PAK5: variants seen among roughly 807,000 people sequenced by gnomAD.
PAK5 encodes the protein serine/threonine-protein kinase PAK 5.
In PAK5, 16 loss-of-function variants were observed where a neutral mutation model predicts 65.9. The ratio of observed to expected loss-of-function variants is 0.24; its 90% CI spans 0.16 to 0.37. The LOEUF is 0.37. Among genes scored for constraint, PAK5 ranks in the 10% least tolerant of loss-of-function variants. The pLI is 1.00. For synonymous variants in PAK5, 371 were observed against 354.9 expected, an observed-to-expected ratio of 1.05 and a Z score of -0.51; for missense variants, 785 against 903.9, an observed-to-expected ratio of 0.87 and a Z score of 1.69.
chr20:9,629,793 T>G (rs2046898392), intron 3 of PAK5, among the ~76,000 whole-genome samples: 1 of 152,082 alleles, frequency 6.6e-6, no homozygotes, highest in African/African-American at 2.4e-5. Flanking sequence ...TCCATAACAA[T>G]GTGGAAGGGG....
At chr20:9,547,788 T>C (rs1457199210) in intron 7 of PAK5, among the ~76,000 whole-genome samples, 1 of 152,120 alleles carries the variant, frequency 6.6e-6, no homozygotes, top group Non-Finnish European at 1.5e-5. Flanking sequence ...ACCTGGGAGC[T>C]TGTTAGATTT....
intron 3 of PAK5, among the ~76,000 whole-genome samples, chr20:9,595,134 G>C (rs1342637006): frequency 2.0e-5 from 3 of 151,168 alleles, no homozygotes; most frequent in Non-Finnish European, 1.5e-5. Context: ...TAGAGAGAGA[G>C]AGAGATAGTA....
chr20:9,756,900 G>A (rs190703885), intron 1 of PAK5, among the ~76,000 whole-genome samples: 61 of 152,254 alleles, frequency 4.0e-4, no homozygotes, highest in African/African-American at 1.2e-3. Flanking sequence ...GGGAAAGTCC[G>A]TAGTGTCAAA....
intron 2 of PAK5, among the ~76,000 whole-genome samples, chr20:9,668,775 T>G (rs2047453483): frequency 6.6e-6 from 1 of 152,208 alleles, no homozygotes; most frequent in Admixed American, 6.5e-5. Context: ...TGATAAATTT[T>G]ATTAAGATGC....
chr20:9,611,074 T>C (rs1199239515), intron 3 of PAK5, among the ~76,000 whole-genome samples: 2 of 152,214 alleles, frequency 1.3e-5, no homozygotes, highest in African/African-American at 4.8e-5. Context: ...AAATTTTTAT[T>C]GTTGGTAAAT....
chr20:9,568,989 G>C (rs932908941), intron 4 of PAK5, among the ~76,000 whole-genome samples: 2 of 152,214 alleles, frequency 1.3e-5, no homozygotes, highest in African/African-American at 4.8e-5. Context: ...TGATCCTTCA[G>C]ATGACTGTGT....
chr20:9,795,309 T>C (rs2049093058), intron 1 of PAK5, among the ~76,000 whole-genome samples: 1 of 152,174 alleles, frequency 6.6e-6, no homozygotes, highest in Non-Finnish European at 1.5e-5. Flanking sequence ...TATTTTTCCA[T>C]TAAATTGAAA....
At chr20:9,745,041 T>G (rs1014990758) in intron 1 of PAK5, among the ~76,000 whole-genome samples, 1 of 152,110 alleles carries the variant, frequency 6.6e-6, no homozygotes, top group Admixed American at 6.6e-5. Context: ...AGTCCCATTT[T>G]CAGAGTATGT....
At chr20:9,553,753 T>G (rs962383249) in intron 7 of PAK5, among the ~76,000 whole-genome samples, 2 of 152,204 alleles carry the variant, frequency 1.3e-5, no homozygotes, top group Non-Finnish European at 2.9e-5. Flanking sequence ...CATTCGCCCT[T>G]TGAAGGACAT....
intron 1 of PAK5, among the ~76,000 whole-genome samples, chr20:9,730,306 T>C (rs1224166041): frequency 6.6e-6 from 1 of 152,124 alleles, no homozygotes; most frequent in Non-Finnish European, 1.5e-5. Flanking sequence ...TGTTTTTATA[T>C]TTACTATTTT....
intron 2 of PAK5, among the ~76,000 whole-genome samples, chr20:9,661,369 C>T (rs765906615): frequency 6.6e-6 from 1 of 152,098 alleles, no homozygotes. Context: ...AGCTGAAGTT[C>T]CTTTATCTGC....
At chr20:9,778,541 A>G (rs2048909498) in intron 1 of PAK5, among the ~76,000 whole-genome samples, 1 of 152,194 alleles carries the variant, frequency 6.6e-6, no homozygotes, top group African/African-American at 2.4e-5. Flanking sequence ...ACAGGCCAAT[A>G]CTTTGGGAGA....
rs1472748783 is a variant in PAK5 at position 9,566,456 on chromosome 20, C to T, written c.991-72G>A. ...ATGCCACAGCCGAGTGGTGAGTGAG[C>T]TGACTGACAGCTGGCAGAATGAGGA... On this transcript the variant is annotated intron_variant, in intron 4 of 9. Coordinates refer to ENST00000353224, the MANE Select transcript of PAK5 (RefSeq NM_177990.4). 36 of 1,419,614 alleles carry T rather than the reference C, an allele frequency of 2.5e-5. No individual in the cohort carries two copies. In the East Asian group the frequency reaches 8.0e-4, roughly 32 times the overall value. The allele number at this position is 1,419,614 out of a possible 1,614,324, so 87.9% of individuals were successfully genotyped here.
At chr20:9,772,163 A>T (rs2048840617) in intron 1 of PAK5, among the ~76,000 whole-genome samples, 1 of 152,226 alleles carries the variant, frequency 6.6e-6, no homozygotes, top group African/African-American at 2.4e-5. Flanking sequence ...CTAAGGTTAA[A>T]TTTAACCTCT....
chr20:9,667,814 C>A (rs998888873), intron 2 of PAK5, among the ~76,000 whole-genome samples: 1 of 152,118 alleles, frequency 6.6e-6, no homozygotes, highest in Non-Finnish European at 1.5e-5. Context: ...TGTGTTTATT[C>A]CAAATGGTTC....
chr20:9,590,677 G>A (rs1249462425), intron 3 of PAK5, among the ~76,000 whole-genome samples: 2 of 152,068 alleles, frequency 1.3e-5, no homozygotes, highest in Non-Finnish European at 2.9e-5. Context: ...TTCTTAGAGG[G>A]AGGGAGTCAT....
intron 3 of PAK5, among the ~76,000 whole-genome samples, chr20:9,627,670 A>G (rs1382424780): frequency 6.6e-6 from 1 of 151,796 alleles, no homozygotes; most frequent in African/African-American, 2.4e-5. Context: ...TCTGTCACTC[A>G]GGCTGGAGTG....
intron 1 of PAK5, among the ~76,000 whole-genome samples, chr20:9,756,501 G>A (rs982768731): frequency 3.7e-4 from 57 of 152,102 alleles, no homozygotes; most frequent in African/African-American, 1.4e-3. Flanking sequence ...GGCAGCTGCT[G>A]AGCACTTGAA....
At chr20:9,770,129 C>T (rs2048816850) in intron 1 of PAK5, among the ~76,000 whole-genome samples, 1 of 151,990 alleles carries the variant, frequency 6.6e-6, no homozygotes, top group African/African-American at 2.4e-5. Flanking sequence ...GGAAGAGTTG[C>T]CAGAGTGATG....
Sources: allele counts gnomAD v4.1 joint callset (sites outside exome capture counted in the v4.1 genomes callset), GRCh38; gene constraint gnomAD v4.1.1; transcripts MANE v1.5; gene names NCBI Gene and HGNC (gene_info 2026-07-23, HGNC 2026-07-21).